EXD3: variants seen among roughly 807,000 people sequenced by gnomAD.
The protein encoded by EXD3 is exonuclease 3'-5' domain containing 3.
Under a neutral mutation model 98.0 loss-of-function variants are expected in EXD3, and 92 were observed. That is an observed-to-expected ratio of 0.94 (90% CI 0.79 to 1.12). The LOEUF (loss-of-function observed/expected upper bound fraction) is 1.12. Among genes scored for constraint, EXD3 ranks in the 50% most tolerant of loss-of-function variants. The pLI, the probability that EXD3 is intolerant of heterozygous loss-of-function variation, is 0.00. For missense variants in EXD3, 1,222 were observed against 1,191.6 expected (o/e 1.03, Z -0.38); for synonymous variants, 569 against 526.0 (o/e 1.08, Z -1.12).
chr9:137,329,133 GA>G (rs1233677333), intron 17 of EXD3, among the ~76,000 whole-genome samples: 1 of 10,144 alleles, frequency 9.9e-5, no homozygotes, highest in East Asian at 0.071. Flanking sequence ...GGCTACACGG[GA>G]GCTACACGGG....
rs746372171 is a variant in EXD3, at chr9:137,417,688, C to T, written c.-48+5426G>A. ...CCACCACGCGGCGGAGCAGCTTCCG[C>T]CACGAACGGAACAGGAGGTCGGCGC... On this transcript the variant is annotated intron_variant, in intron 1 of 21. Transcript: ENST00000340951. Among the ~76,000 whole-genome samples, 5 of 152,308 alleles carry T rather than the reference C, an allele frequency of 3.3e-5. 1 individual carries two copies. In the Middle Eastern group the frequency reaches 0.01, roughly 313 times the overall value.
At chr9:137,310,914 C>A (rs1423909333) in intron 19 of EXD3, among the ~76,000 whole-genome samples, 1 of 152,228 alleles carries the variant, frequency 6.6e-6, no homozygotes, top group Non-Finnish European at 1.5e-5. Context: ...CAGGACCCCT[C>A]CCCATGCAGG....
chr9:137,411,445 A>AGGCGGGACC lies in EXD3; in HGVS notation c.-48+11660_-48+11668dup, dbSNP rs931666502. ...GGCCTCCCAGGGAGCCTCCACAGGA[A>AGGCGGGACC]GGCGGGACCGGCGGGACCAACAGGA... is the stretch of plus-strand genomic sequence containing the variant. On this transcript the variant is annotated intron_variant, in intron 1 of 21. Transcript: ENST00000340951. Among the ~76,000 whole-genome samples, 38 of 152,034 alleles carry AGGCGGGACC rather than the reference A, an allele frequency of 2.5e-4. No individual in the cohort carries two copies. In the East Asian group the frequency reaches 7.2e-3, roughly 29 times the overall value.
At chr9:137,375,284 G>T (rs1835842439) in intron 3 of EXD3, among the ~76,000 whole-genome samples, 1 of 152,156 alleles carries the variant, frequency 6.6e-6, no homozygotes, top group Non-Finnish European at 1.5e-5. Flanking sequence ...TGGGATTACA[G>T]GCGTGAGCCA....
chr9:137,399,336 C>T (rs149473286), intron 1 of EXD3, among the ~76,000 whole-genome samples: 176 of 152,312 alleles, frequency 1.2e-3, no homozygotes, highest in African/African-American at 4.0e-3. Context: ...TGTGGCTTCC[C>T]GATGGTGTCC....
intron 17 of EXD3, among the ~76,000 whole-genome samples, chr9:137,341,448 AT>A (rs2119183714): frequency 6.6e-6 from 1 of 152,362 alleles, no homozygotes; most frequent in East Asian, 1.9e-4. Flanking sequence ...ATACACAGCA[AT>A]GTCAGCAAAG....
At position 137,323,791 on chromosome 9, in the gene EXD3, C is replaced by T. The variant is rs1048416358; in HGVS notation, c.2118G>A (p.Gln706=). The part of the protein sequence containing the change: ...SVDCSLKAQQ[Q]AKAVLKHFNV... ...TGAAATGCTTGAGCACAGCCTTGGC[C>T]TGCTGCTGGGCCTTCAGGGAGCAGT... is the stretch of plus-strand genomic sequence containing the variant. The change falls in exon 19 of 22, where the codon CAG becomes CAA. Residue 706 remains glutamine (Q), a synonymous_variant. Coordinates refer to ENST00000340951, the MANE Select transcript of EXD3 (RefSeq NM_017820.5). The T allele has an allele frequency of 1.2e-6, 2 of 1,612,384 alleles. No individual in the cohort carries two copies. Among genetic ancestry groups the T allele is most frequent in the Admixed American group, 1.7e-5 (1 of 60,024 alleles).
rs1035653929 is a variant in EXD3 at position 137,393,360 on chromosome 9, G to A, written c.55+1943C>T. The A allele has an allele frequency of 9.6e-5, 63 of 659,536 alleles. No individual in the cohort carries two copies. Among genetic ancestry groups the A allele is most frequent in the African/African-American group, 8.4e-4 (47 of 56,128 alleles). The allele number at this position is 659,536 out of a possible 1,614,324, so 40.9% of individuals were successfully genotyped here. A position where few individuals can be genotyped will look rare whatever the true frequency, so the allele number is the denominator to read the frequency against. On this transcript the variant is annotated intron_variant, in intron 2 of 21. Coordinates refer to ENST00000340951, the MANE Select transcript of EXD3 (RefSeq NM_017820.5). This position sits in a 1 kb window ranked among gnomAD's most constrained non-coding sequence, Gnocchi z 4.6. ...CCACACAGGTGCAGGCCCGGGGCCC[G>A]CAGATGGCCTCAGAGGAGGCGGTGG... is the stretch of plus-strand genomic sequence containing the variant.
chr9:137,317,699 C>T (rs2119074934), intron 19 of EXD3, among the ~76,000 whole-genome samples: 1 of 152,198 alleles, frequency 6.6e-6, no homozygotes, highest in East Asian at 1.9e-4. Flanking sequence ...CCTGGCTGAC[C>T]ACCCTCCTGT....
intron 17 of EXD3, among the ~76,000 whole-genome samples, chr9:137,330,634 A>ACTACACAGGAGCTACACAGGT (rs1833021454): frequency 9.1e-6 from 1 of 109,990 alleles, no homozygotes; most frequent in Non-Finnish European, 2.1e-5. Flanking sequence ...ACTACACAGG[A>ACTACACAGGAGCTACACAGGT]CTACACAGGA....
intron 3 of EXD3, among the ~76,000 whole-genome samples, chr9:137,376,343 C>CAAAAAAAAAAAAAAAAAAAAA (rs765888922): frequency 2.5e-5 from 1 of 39,960 alleles, no homozygotes. Context: ...GACTCTGTCT[C>CAAAAAAAAAAAAAAAAAAAAA]AAAAAAAAAA....
Position 137,360,393 on chromosome 9 carries a change from G to A in EXD3, c.657-4025C>T, listed in dbSNP as rs1367890761. Among the ~76,000 whole-genome samples, 2 of 81,428 alleles carry A rather than the reference G, an allele frequency of 2.5e-5. 1 individual carries two copies. Among genetic ancestry groups the A allele is most frequent in the East Asian group, 1.6e-3 (2 of 1,286 alleles). The allele number at this position is 81,428 out of a possible 152,430, so 53.4% of individuals were successfully genotyped here. On this transcript the variant is annotated intron_variant, in intron 7 of 21. Coordinates refer to ENST00000340951, the MANE Select transcript of EXD3 (RefSeq NM_017820.5). ...CAATGATTTCCTTTGACGTCCAGAA[G>A]GTATTAAGTCAAATTTGTCAATCTT...
rs1190497415 is a variant in EXD3 at position 137,318,034 on chromosome 9, A to C, written c.2184+5691T>G. 3.3e-5 allele frequency among the ~76,000 whole-genome samples: 5 copies of C among 151,978 alleles called. No homozygotes were observed. The East Asian group carries it at 9.7e-4, about 30-fold the overall frequency. ...CTTCCTGTCTGTCCCTCTGTCTATCAACTGAGCACAGAGAATGTAAGGGTC... is the reference window on the plus strand; with the variant it reads ...CTTCCTGTCTGTCCCTCTGTCTATCCACTGAGCACAGAGAATGTAAGGGTC... On this transcript the variant is annotated intron_variant, in intron 19 of 21. Coordinates refer to ENST00000340951, the MANE Select transcript of EXD3 (RefSeq NM_017820.5).
At chr9:137,370,177 C>T (rs1012697268) in intron 5 of EXD3, among the ~76,000 whole-genome samples, 1 of 152,174 alleles carries the variant, frequency 6.6e-6, no homozygotes, top group Non-Finnish European at 1.5e-5. Flanking sequence ...CCTGGCCTGA[C>T]CCCTGTCTCA....
intron 1 of EXD3, among the ~76,000 whole-genome samples, chr9:137,419,815 A>G (rs1838415394): frequency 3.3e-5 from 5 of 151,832 alleles, no homozygotes; most frequent in Admixed American, 3.3e-4. Flanking sequence ...AACTTCCAGG[A>G]CTCTTATTTA....
intron 1 of EXD3, among the ~76,000 whole-genome samples, chr9:137,415,459 G>T (rs754801035): frequency 1.2e-4 from 19 of 152,278 alleles, no homozygotes; most frequent in South Asian, 1.2e-3. Flanking sequence ...CTCCTAAAGT[G>T]CTGGGATTAC....
At position 137,307,345 on chromosome 9, in the gene EXD3, G is replaced by C. The variant is rs991709334; in HGVS notation, c.2318-82C>G. ...CTGCTCCCAGAGTGGTGCAGTTGGC[G>C]GCCCACGCTGAGCCCACGCTCACTC... On this transcript the variant is annotated intron_variant, in intron 21 of 21. Coordinates refer to ENST00000340951, the MANE Select transcript of EXD3 (RefSeq NM_017820.5). 2.8e-6 allele frequency: 4 copies of C among 1,435,428 alleles called. No homozygotes were observed. In the East Asian group the frequency reaches 7.5e-5, roughly 27 times the overall value. The allele number at this position is 1,435,428 out of a possible 1,614,324, so 88.9% of individuals were successfully genotyped here. A position where few individuals can be genotyped will look rare whatever the true frequency, so the allele number is the denominator to read the frequency against.
At chr9:137,390,171 C>G (rs1364256996) in intron 2 of EXD3, among the ~76,000 whole-genome samples, 2 of 142,448 alleles carry the variant, frequency 1.4e-5, no homozygotes, top group African/African-American at 5.3e-5. Flanking sequence ...TGGCTCACAC[C>G]TGTAATCCCA....
chr9:137,312,975 G>C (rs914493358), intron 19 of EXD3, among the ~76,000 whole-genome samples: 1 of 152,186 alleles, frequency 6.6e-6, no homozygotes, highest in Admixed American at 6.5e-5. Flanking sequence ...AGGCCTGCAG[G>C]TGTGCCAGCC....
Sources: allele counts gnomAD v4.1 joint callset (sites outside exome capture counted in the v4.1 genomes callset), GRCh38; gene constraint gnomAD v4.1.1; non-coding constraint Gnocchi (gnomAD v3.1); transcripts MANE v1.5; gene names NCBI Gene and HGNC (gene_info 2026-07-23, HGNC 2026-07-21).